PTPRC: variants seen among roughly 807,000 people sequenced by gnomAD.
PTPRC encodes the protein receptor-type tyrosine-protein phosphatase C.
Under a neutral mutation model 155.9 loss-of-function variants are expected in PTPRC, and 44 were observed. The ratio of observed to expected loss-of-function variants is 0.28; its 90% CI spans 0.22 to 0.36. PTPRC has a LOEUF of 0.36. PTPRC is among the 10% of genes least tolerant of loss of function. The probability of loss-of-function intolerance (pLI) is 1.00; values close to 1 mark genes in which losing one functional copy is unlikely to be tolerated. For missense variants in PTPRC, 1,401 were observed against 1,564.6 expected (o/e 0.90, Z 1.76); for synonymous variants, 525 against 533.1 (o/e 0.98, Z 0.21).
intron 2 of PTPRC, among the ~76,000 whole-genome samples, chr1:198,687,153 C>T (rs1001074001): frequency 3.9e-5 from 6 of 152,046 alleles, no homozygotes; most frequent in African/African-American, 1.4e-4. Context: ...CCACCCTACC[C>T]GGATAATTTT....
At position 198,639,299 on chromosome 1, in the gene PTPRC, G is replaced by T. The variant is rs759684142; in HGVS notation, c.31G>T (p.Ala11Ser). Residue 11 changes from alanine (A) to serine (S), a missense_variant, in exon 2 of 33, where the codon GCA becomes TCA. By Grantham distance (99) the Ala-to-Ser change is moderately conservative (BLOSUM62 1). This residue lies in a region of PTPRC where 867 missense variants were observed against 970.4 expected (regional missense o/e 0.89). Transcript: ENST00000442510. MTMYLWLKLL[A>S]FGFAFLDTEV... ...CATGTATTTGTGGCTTAAACTCTTG[G>T]CATTTGGCTTTGCCTTTCTGGACAC... The T allele has an allele frequency of 6.2e-7, 1 of 1,613,412 alleles. No homozygotes were observed. The highest frequency in any genetic ancestry group is 1.7e-5 in the Admixed American group (1 of 59,982).
At chr1:198,639,579 T>C (rs1330607269) in intron 2 of PTPRC, among the ~76,000 whole-genome samples, 1 of 152,062 alleles carries the variant, frequency 6.6e-6, no homozygotes, top group African/African-American at 2.4e-5. Flanking sequence ...GAAAGCAATG[T>C]CTATCTGTAT....
At position 198,740,586 on chromosome 1, in the gene PTPRC, A is replaced by C. The variant is rs542025775; in HGVS notation, c.2404-1283A>C. ...TTTGCAGTGAGACTTTATCTCAAAAAAAAAGATAAAATTGACAAACCTTTA... is the reference window on the plus strand; with the variant it reads ...TTTGCAGTGAGACTTTATCTCAAAACAAAAGATAAAATTGACAAACCTTTA... On this transcript the variant is annotated intron_variant, in intron 23 of 32. Transcript: ENST00000442510. Among the ~76,000 whole-genome samples the C allele has an allele frequency of 3.7e-3, 565 of 151,868 alleles. 3 individuals are homozygous for C. The highest frequency in any genetic ancestry group is 0.013 in the African/African-American group (526 of 41,474).
chr1:198,709,654 G>A (rs774159317), intron 10 of PTPRC, 33 bp from the exon 11 acceptor site: 5 of 1,480,794 alleles, frequency 3.4e-6, no homozygotes, highest in African/African-American at 2.8e-5. Context: ...ATATTGCATC[G>A]ATATATTCAT....
chr1:198,683,463 G>GT (rs1372954939), intron 2 of PTPRC, among the ~76,000 whole-genome samples: 3 of 152,042 alleles, frequency 2.0e-5, no homozygotes, highest in Admixed American at 6.6e-5. Context: ...TATATCCCTG[G>GT]ATTTAGGTAA....
At chr1:198,649,137 C>CA (rs371294512) in intron 2 of PTPRC, among the ~76,000 whole-genome samples, 26 of 150,402 alleles carry the variant, frequency 1.7e-4, no homozygotes, top group Admixed American at 1.3e-3. Context: ...TAAAACAAAA[C>CA]AAAAAAAAAT....
chr1:198,664,581 C>T (rs1462227009), intron 2 of PTPRC, among the ~76,000 whole-genome samples: 2 of 152,186 alleles, frequency 1.3e-5, no homozygotes, highest in Non-Finnish European at 2.9e-5. Flanking sequence ...AAATCTGATA[C>T]AGTGGCCTTT....
At chr1:198,657,849 A>G (rs1181166044) in intron 2 of PTPRC, 1 of 152,002 alleles carries the variant, frequency 6.6e-6, no homozygotes, top group Non-Finnish European at 1.5e-5. Context: ...CATTTTTTTT[A>G]GGTTTCTTGT....
chr1:198,705,168 G>A (rs1255329409), intron 8 of PTPRC, among the ~76,000 whole-genome samples: 1 of 151,396 alleles, frequency 6.6e-6, no homozygotes, highest in Non-Finnish European at 1.5e-5. Context: ...GAAGCAAAGC[G>A]GTTCTTCATG....
At chr1:198,751,453 C>A (rs1051568770) in intron 29 of PTPRC, among the ~76,000 whole-genome samples, 5 of 152,024 alleles carry the variant, frequency 3.3e-5, no homozygotes, top group African/African-American at 1.2e-4. Flanking sequence ...CTTTTTTATG[C>A]CCCTCTCTCT....
At position 198,709,694 on chromosome 1, in the gene PTPRC, G is replaced by T; in HGVS notation, c.1041G>T (p.Met347Ile). ...NITYRFQCGN[M>I]IFDNKEIKLE... ...AATATTTCTTTATTTCAGGTAATATGATATTTGATAATAAAGAAATTAAAT... is the reference window on the plus strand; with the variant it reads ...AATATTTCTTTATTTCAGGTAATATTATATTTGATAATAAAGAAATTAAAT... Residue 347 changes from methionine (M) to isoleucine (I), a missense_variant, in exon 11 of 33, where the codon ATG becomes ATT. By Grantham distance (10) the Met-to-Ile change is conservative. This residue lies in a region of PTPRC where 867 missense variants were observed against 970.4 expected (regional missense o/e 0.89). Transcript: ENST00000442510. 6.4e-7 allele frequency: 1 copy of T among 1,570,124 alleles called. No individual in the cohort carries two copies. Among genetic ancestry groups the T allele is most frequent in the South Asian group, 1.2e-5 (1 of 86,358 alleles).
chr1:198,672,884 AATCACCTACTG>A (rs1664727912), intron 2 of PTPRC, among the ~76,000 whole-genome samples: 1 of 152,202 alleles, frequency 6.6e-6, no homozygotes, highest in Admixed American at 6.5e-5. Flanking sequence ...AAATGGGATT[AATCACCTACTG>A]AAAGCTCTAT....
At chr1:198,709,663 A>T in intron 10 of PTPRC, 24 bp from the exon 11 acceptor site, 2 of 1,510,592 alleles carry the variant, frequency 1.3e-6, no homozygotes, top group Non-Finnish European at 1.8e-6. Context: ...CGATATATTC[A>T]TTCGAAATAT....
At chr1:198,752,159 A>G (rs1655411153) in intron 29 of PTPRC, 90 bp from the exon 30 acceptor site, 1 of 1,403,502 alleles carries the variant, frequency 7.1e-7, no homozygotes, top group African/African-American at 1.4e-5. Flanking sequence ...AAAGAGGCAC[A>G]GACAGAGAAA....
At chr1:198,639,532 C>T (rs1217701299) in intron 2 of PTPRC, among the ~76,000 whole-genome samples, 191 bp downstream of exon 2, 1 of 151,944 alleles carries the variant, frequency 6.6e-6, no homozygotes, top group African/African-American at 2.4e-5. Context: ...TTTACAAAGA[C>T]ATAAATGTTT....
intron 2 of PTPRC, among the ~76,000 whole-genome samples, chr1:198,661,067 G>GA (rs986120449): frequency 1.3e-5 from 2 of 151,674 alleles, no homozygotes; most frequent in Admixed American, 1.3e-4. Flanking sequence ...ACTACATTAA[G>GA]AAAAAAAGAA....
intron 2 of PTPRC, among the ~76,000 whole-genome samples, chr1:198,664,293 G>A (rs1220893646): frequency 6.6e-6 from 1 of 152,074 alleles, no homozygotes; most frequent in African/African-American, 2.4e-5. Flanking sequence ...AATATCTTTT[G>A]GATGTGAATT....
chr1:198,657,992 A>G (rs968570813), intron 2 of PTPRC, among the ~76,000 whole-genome samples: 3 of 152,204 alleles, frequency 2.0e-5, no homozygotes, highest in African/African-American at 7.2e-5. Flanking sequence ...TCTGTGCAAC[A>G]GTACAGGTTT....
chr1:198,739,358 A>G (rs1654792237), intron 23 of PTPRC, among the ~76,000 whole-genome samples: 1 of 151,842 alleles, frequency 6.6e-6, no homozygotes, highest in Non-Finnish European at 1.5e-5. Context: ...TAAAGACACA[A>G]ATAGACTTAA....
Sources: allele counts gnomAD v4.1 joint callset (sites outside exome capture counted in the v4.1 genomes callset), GRCh38; gene constraint gnomAD v4.1.1; regional missense constraint gnomAD v4.1.1; transcripts MANE v1.5; gene names NCBI Gene and HGNC (gene_info 2026-07-23, HGNC 2026-07-21).